Variants in LAMB2 observed in about 807,000 individuals in gnomAD.
The protein encoded by LAMB2 is laminin subunit beta-2.
In LAMB2, 119 loss-of-function variants were observed where a neutral mutation model predicts 202.7. That is an observed-to-expected ratio of 0.59 (90% CI 0.51 to 0.68). The LOEUF (loss-of-function observed/expected upper bound fraction) is 0.68, where lower values mean the gene tolerates loss of function less well. Among genes scored for constraint, LAMB2 ranks in the 30% least tolerant of loss-of-function variants. The probability of loss-of-function intolerance (pLI) is 0.00; values close to 1 mark genes in which losing one functional copy is unlikely to be tolerated. For synonymous variants in LAMB2, 818 were observed against 902.2 expected, an observed-to-expected ratio of 0.91 and a Z score of 1.67; for missense variants, 2,124 against 2,410.6, an observed-to-expected ratio of 0.88 and a Z score of 2.49.
Position 49,130,422 on chromosome 3 carries a change from G to A in LAMB2, c.1037-3C>T, listed in dbSNP as rs1448921404. ...GGTGTGCCCATGGCACTCACACTCT[G>A]GCAGGGGAGGAAGGGCAGGGCAAAG... On this transcript the variant is annotated splice_region_variant and splice_polypyrimidine_tract_variant and intron_variant, in intron 8 of 31. Coordinates refer to ENST00000305544, the MANE Select transcript of LAMB2 (RefSeq NM_002292.4). The surrounding 1 kb of genome is among the most constrained non-coding windows in gnomAD (Gnocchi z 5.0). 6.2e-7 allele frequency: 1 copy of A among 1,613,978 alleles called. No homozygotes were observed. Among genetic ancestry groups the A allele is most frequent in the Admixed American group, 1.7e-5 (1 of 60,036 alleles).
At position 49,126,362 on chromosome 3, in the gene LAMB2, C is replaced by T. The variant is rs772138468; in HGVS notation, c.2151+3G>A. 4 of 1,614,066 alleles carry T rather than the reference C, an allele frequency of 2.5e-6. No individual in the cohort carries two copies. The African/African-American group carries it at 4.0e-5, about 16-fold the overall frequency. ...TTGGTGTGGGCAAGAGGAGATTATTCACCGAGTCAATGAGCAGGCCAGGTC... is the reference window on the plus strand; with the variant it reads ...TTGGTGTGGGCAAGAGGAGATTATTTACCGAGTCAATGAGCAGGCCAGGTC... On this transcript the variant is annotated splice_donor_region_variant and intron_variant, in intron 16 of 31. Transcript: ENST00000305544.
At position 49,129,028 on chromosome 3, in the gene LAMB2, G is replaced by A. The variant is rs759042337; in HGVS notation, c.1723C>T (p.Arg575Ter). The part of the protein sequence containing the change: ...DHLIWEAEDT[R>*]GQVLDVVERL... ...AGGGGGAGGCCCCACACCTGCCCTC[G>A]GGTGTCCTCAGCCTCCCAAATTAGG... The change falls in exon 13 of 32, where the codon CGA becomes TGA. Residue 575 changes from arginine to a stop codon, truncating the protein, a stop_gained. Transcript: ENST00000305544. LOFTEE classifies it high-confidence loss of function. The surrounding 1 kb of genome is among the most constrained non-coding windows in gnomAD (Gnocchi z 6.1). 30 of 1,609,550 alleles carry A rather than the reference G, an allele frequency of 1.9e-5. No individual in the cohort carries two copies. Among genetic ancestry groups the A allele is most frequent in the South Asian group, 5.5e-5 (5 of 91,084 alleles).
Position 49,128,563 on chromosome 3 carries a change from A to C in LAMB2, c.1913T>G (p.Leu638Trp), listed in dbSNP as rs1298442688. 6.2e-7 allele frequency: 1 copy of C among 1,614,104 alleles called. No homozygotes were observed. The highest frequency in any genetic ancestry group is 1.3e-5 in the African/African-American group (1 of 74,942). The change falls in exon 15 of 32, where the codon TTG becomes TGG. Residue 638 changes from leucine to tryptophan, a missense_variant. Around this residue, in one of 3 missense-constraint regions of LAMB2, gnomAD observed 1,702 missense variants for 1,896.3 expected, o/e 0.90. Transcript: ENST00000305544. ...CCCTGGACGCTGCACAATCAGTTCC[A>C]ACTCTGCCCATTGCTCAGGGACCTG... is the stretch of plus-strand genomic sequence containing the variant. ...EPQVPEQWAE[L>W]ELIVQRPGPV...
chr3:49,132,958 T>A lies in LAMB2; in HGVS notation c.-91A>T. On this transcript the variant is annotated 5_prime_UTR_variant, in exon 1 of 32. Transcript: ENST00000305544. This position sits in a 1 kb window ranked among gnomAD's most constrained non-coding sequence, Gnocchi z 4.6. ...TGGGGTTCCGTGTCAACTCTGCCTG[T>A]GGGTCTTTGGCCTGTTTCCCTCCAG... The A allele has an allele frequency of 1.7e-6, 2 of 1,173,914 alleles. No individual in the cohort carries two copies. Among genetic ancestry groups the A allele is most frequent in the Non-Finnish European group, 2.5e-6 (2 of 787,726 alleles). 72.7% of individuals were successfully genotyped at this position (1,173,914 alleles called of 1,614,324 possible).
intron 27 of LAMB2, 151 bp from the exon 28 acceptor site, chr3:49,122,521 G>C: frequency 2.1e-6 from 2 of 932,824 alleles, no homozygotes; most frequent in Non-Finnish European, 3.5e-6. Flanking sequence ...ACTATACAAG[G>C]GGCTCAGACT....
chr3:49,125,284 G>T lies in LAMB2; in HGVS notation c.2689C>A (p.Arg897Ser). 1 of 1,613,860 alleles carries T rather than the reference G, an allele frequency of 6.2e-7. No individual in the cohort carries two copies. Among genetic ancestry groups the T allele is most frequent in the Non-Finnish European group, 8.5e-7 (1 of 1,180,032 alleles). ...NTHTGACLGC[R>S]DHTGGEHCER... is the part of the protein sequence containing the mutation. Reference sequence around the variant, plus strand: ...CAGTGCTCACCCCCTGTGTGATCACGGCAGCCCAGGCAAGCGCCTGTGTGG... The same window carrying T: ...CAGTGCTCACCCCCTGTGTGATCACTGCAGCCCAGGCAAGCGCCTGTGTGG... Residue 897 changes from arginine (R) to serine (S), a missense_variant, in exon 19 of 32, where the codon CGT (arginine) becomes AGT (serine). Arg to Ser is a moderately radical substitution (Grantham distance 110). Transcript: ENST00000305544.
At chr3:49,122,421 T>G in intron 27 of LAMB2, 51 bp from the exon 28 acceptor site, 1 of 1,560,158 alleles carries the variant, frequency 6.4e-7, no homozygotes, top group Non-Finnish European at 8.8e-7. Flanking sequence ...AGCATGGGCA[T>G]GAGGATACAG....
rs1222295378 is a variant in LAMB2 at position 49,131,030 on chromosome 3, C to T, written c.835G>A (p.Val279Ile). 1 of 1,613,988 alleles carries T rather than the reference C, an allele frequency of 6.2e-7. No homozygotes were observed. The highest frequency in any genetic ancestry group is 1.1e-5 in the South Asian group (1 of 91,088). Reference sequence around the variant, plus strand: ...CCGTAGCAGAAGCAGTTGCCACGTACAACCAGCTCATAGAGGGCATAGTAG... The same window carrying T: ...CCGTAGCAGAAGCAGTTGCCACGTATAACCAGCTCATAGAGGGCATAGTAG... Reference protein sequence around the residue: ...KYYYALYELVVRGNCFCYGHA... With the variant: ...KYYYALYELVIRGNCFCYGHA... Residue 279 changes from valine (V) to isoleucine (I), a missense_variant, in exon 7 of 32, where the codon GTA becomes ATA. By Grantham distance (29) the Val-to-Ile change is conservative. Around this residue, in one of 3 missense-constraint regions of LAMB2, gnomAD observed 256 missense variants for 356.1 expected, o/e 0.72. Coordinates refer to ENST00000305544, the MANE Select transcript of LAMB2 (RefSeq NM_002292.4). The surrounding 1 kb of genome is among the most constrained non-coding windows in gnomAD (Gnocchi z 5.0).
At position 49,122,993 on chromosome 3, in the gene LAMB2, A is replaced by G; in HGVS notation, c.4284T>C (p.Cys1428=). ...CATSPCGGAG[C]RDEDGQPRCG... Reference sequence around the variant, plus strand: ...AGCGCGGCTGCCCATCCTCATCTCGACAGCCGGCACCCCCACAAGGGCTTG... The same window carrying G: ...AGCGCGGCTGCCCATCCTCATCTCGGCAGCCGGCACCCCCACAAGGGCTTG... The change falls in exon 27 of 32, where the codon TGT becomes TGC. Residue 1428 remains cysteine, a synonymous_variant. Transcript: ENST00000305544. The G allele has an allele frequency of 6.2e-7, 1 of 1,608,774 alleles. No individual in the cohort carries two copies. The highest frequency in any genetic ancestry group is 1.3e-5 in the African/African-American group (1 of 74,996).
rs2107637483 is a variant in LAMB2 at position 49,123,317 on chromosome 3, C to T, written c.4039G>A (p.Ala1347Thr). The change falls in exon 26 of 32, where the codon GCC (alanine) becomes ACC (threonine). Residue 1347 changes from alanine (A) to threonine (T), a missense_variant. Around this residue, in one of 3 missense-constraint regions of LAMB2, gnomAD observed 1,702 missense variants for 1,896.3 expected, o/e 0.90. Coordinates refer to ENST00000305544, the MANE Select transcript of LAMB2 (RefSeq NM_002292.4). ...GGTACTGCCAGGGCTGAGGTATTGG[C>T]ACGACGTTCTGCCTCTGCAGACTGG... is the stretch of plus-strand genomic sequence containing the variant. ...HSQSAEAERR[A>T]NTSALAVPSP... 1 of 1,614,080 alleles carries T rather than the reference C, an allele frequency of 6.2e-7. No homozygotes were observed. The highest frequency in any genetic ancestry group is 1.7e-5 in the Admixed American group (1 of 60,020).
chr3:49,127,612 G>A (rs916281475), intron 15 of LAMB2, among the ~76,000 whole-genome samples: 4 of 151,468 alleles, frequency 2.6e-5, no homozygotes, highest in Non-Finnish European at 5.9e-5. Context: ...GGAGAATGGC[G>A]TGAACCTGGG....
chr3:49,123,960 G>A lies in LAMB2; in HGVS notation c.3565C>T (p.Pro1189Ser), dbSNP rs377387427. 103 of 1,613,324 alleles carry A rather than the reference G, an allele frequency of 6.4e-5. No homozygotes were observed. Among genetic ancestry groups the A allele is most frequent in the Non-Finnish European group, 4.2e-6 (5 of 1,180,048 alleles). Reference protein sequence around the residue: ...GFSGIFPACHPCHACFGDWDR... With the variant: ...GFSGIFPACHSCHACFGDWDR... ...CAATCCCCGAAGCATGCATGGCAGGGATGGCAGGCAGGAAAGATTCCTGAG... is the reference window on the plus strand; with the variant it reads ...CAATCCCCGAAGCATGCATGGCAGGAATGGCAGGCAGGAAAGATTCCTGAG... Residue 1189 changes from proline to serine, a missense_variant, in exon 24 of 32, where the codon CCC becomes TCC. Transcript: ENST00000305544.
In LAMB2 at chr3:49,132,335, C is replaced by T. The variant is rs369040269; in HGVS notation, c.320G>A (p.Arg107His). ...FSARDNPHSH[R>H]IQNVVTSFAP... ...AAAGCTGGTGACTACATTCTGGATG[C>T]GATGGCTGTGTGGGTTGTCTCTAGC... Residue 107 changes from arginine (R) to histidine (H), a missense_variant, in exon 3 of 32, where the codon CGC becomes CAC. Physicochemically the swap from Arg to His is conservative, Grantham distance 29. This residue lies in a region of LAMB2 where 166 missense variants were observed against 158.2 expected (regional missense o/e 1.05). Transcript: ENST00000305544. This position sits in a 1 kb window ranked among gnomAD's most constrained non-coding sequence, Gnocchi z 4.6. 3.1e-6 allele frequency: 5 copies of T among 1,614,128 alleles called. No individual in the cohort carries two copies. Among genetic ancestry groups the T allele is most frequent in the Non-Finnish European group, 3.4e-6 (4 of 1,180,056 alleles).
At position 49,131,566 on chromosome 3, in the gene LAMB2, T is replaced by A; in HGVS notation, c.617A>T (p.Tyr206Phe). ...TTCAGTGGATGGCTCAATCTCTGAGTAGCGGGACTCACAGACTACATCATC... is the reference window on the plus strand; with the variant it reads ...TTCAGTGGATGGCTCAATCTCTGAGAAGCGGGACTCACAGACTACATCATC... Reference protein sequence around the residue: ...HWDDVVCESRYSEIEPSTEGE... With the variant: ...HWDDVVCESRFSEIEPSTEGE... The change falls in exon 5 of 32, where the codon TAC becomes TTC. Residue 206 changes from tyrosine to phenylalanine, a missense_variant. By Grantham distance (22) the Tyr-to-Phe change is conservative. Transcript: ENST00000305544. The surrounding 1 kb of genome is among the most constrained non-coding windows in gnomAD (Gnocchi z 5.0). 6.2e-7 allele frequency: 1 copy of A among 1,613,798 alleles called. No homozygotes were observed. The highest frequency in any genetic ancestry group is 1.1e-5 in the South Asian group (1 of 91,082).
At chr3:49,128,622 C>T (rs746618334) in intron 14 of LAMB2, 37 bp from the exon 15 acceptor site, 2 of 1,614,194 alleles carry the variant, frequency 1.2e-6, no homozygotes, top group East Asian at 4.5e-5. Flanking sequence ...TGCTCCCACA[C>T]CCAGAGGTTC....
At position 49,131,121 on chromosome 3, in the gene LAMB2, G is replaced by A. The variant is rs889025135; in HGVS notation, c.744C>T (p.Asn248=). Residue 248 remains asparagine (N), a synonymous_variant, in exon 7 of 32, where the codon AAC becomes AAT. Coordinates refer to ENST00000305544, the MANE Select transcript of LAMB2 (RefSeq NM_002292.4). This position sits in a 1 kb window ranked among gnomAD's most constrained non-coding sequence, Gnocchi z 5.0. ...NLLKITNLRV[N]LTRLHTLGDN... is the part of the protein sequence containing the mutation. ...CTCCCAACGTGTGTAGACGAGTCAG[G>A]TTCACCCGTAGGTTGGTGATCTTCA... 6 of 1,613,570 alleles carry A rather than the reference G, an allele frequency of 3.7e-6. No homozygotes were observed. The highest frequency in any genetic ancestry group is 4.2e-6 in the Non-Finnish European group (5 of 1,180,032).
chr3:49,124,978 G>T lies in LAMB2; in HGVS notation c.2884+28C>A, dbSNP rs2045395159. ...GTGCTCAGCCCAGCCAACTCACCCT[G>T]ATCCCACGCCTGCCCCCATCCACTC... On this transcript the variant is annotated intron_variant, in intron 20 of 31. Coordinates refer to ENST00000305544, the MANE Select transcript of LAMB2 (RefSeq NM_002292.4). 5 of 1,613,870 alleles carry T rather than the reference G, an allele frequency of 3.1e-6. No individual in the cohort carries two copies. The East Asian group carries it at 1.1e-4, about 36-fold the overall frequency.
At position 49,132,914 on chromosome 3, in the gene LAMB2, C is replaced by T. The variant is rs2045497886; in HGVS notation, c.-47G>A. The T allele has an allele frequency of 6.4e-7, 1 of 1,559,900 alleles. No individual in the cohort carries two copies. The highest frequency in any genetic ancestry group is 8.8e-7 in the Non-Finnish European group (1 of 1,131,134). ...AAGGGGAGGTGAACGGTCTCGGGCCCGAGCCCTCCTCCTTGCTTTGGGGTT... is the reference window on the plus strand; with the variant it reads ...AAGGGGAGGTGAACGGTCTCGGGCCTGAGCCCTCCTCCTTGCTTTGGGGTT... On this transcript the variant is annotated 5_prime_UTR_variant, in exon 1 of 32. Transcript: ENST00000305544. This position sits in a 1 kb window ranked among gnomAD's most constrained non-coding sequence, Gnocchi z 4.6.
chr3:49,132,465 GC>G lies in LAMB2; in HGVS notation c.249+25del, dbSNP rs1560077458. ...GCAGTGCCAGCCCCACCCTGACTCG[GC>G]GTCACACCCTGTCCCCAGCCACACC... On this transcript the variant is annotated intron_variant, in intron 2 of 31. Coordinates refer to ENST00000305544, the MANE Select transcript of LAMB2 (RefSeq NM_002292.4). The surrounding 1 kb of genome is among the most constrained non-coding windows in gnomAD (Gnocchi z 4.6). 1.2e-6 allele frequency: 2 copies of G among 1,614,110 alleles called. No homozygotes were observed. The highest frequency in any genetic ancestry group is 1.6e-4 in the Middle Eastern group (1 of 6,062).
Sources: gnomAD v4.1 joint callset for allele counts (sites outside exome capture counted in the v4.1 genomes callset) on GRCh38, gnomAD v4.1.1 for gene constraint, gnomAD v4.1.1 regional missense constraint, Gnocchi (gnomAD v3.1) non-coding constraint, MANE v1.5 for transcripts, NCBI Gene and HGNC (gene_info 2026-07-23, HGNC 2026-07-21) for gene names.